USP31: variants seen among roughly 807,000 people sequenced by gnomAD.
The protein encoded by USP31 is ubiquitin carboxyl-terminal hydrolase 31.
In USP31, 44 loss-of-function variants were observed where a neutral mutation model predicts 119.4. The ratio of observed to expected loss-of-function variants is 0.37; its 90% CI spans 0.29 to 0.47. The LOEUF (loss-of-function observed/expected upper bound fraction) is 0.47, where lower values mean the gene tolerates loss of function less well. USP31 is among the 20% of genes least tolerant of loss of function. USP31 has a pLI of 0.99. For missense variants in USP31, 1,643 were observed against 1,730.2 expected (o/e 0.95, Z 0.89); for synonymous variants, 749 against 705.6 (o/e 1.06, Z -0.97).
chr16:23,084,518 G>C (rs1262930337), intron 11 of USP31, among the ~76,000 whole-genome samples: 3 of 151,822 alleles, frequency 2.0e-5, no homozygotes, highest in African/African-American at 7.3e-5. Flanking sequence ...TATGTTCTTA[G>C]TACCAAAAAG....
intron 1 of USP31, among the ~76,000 whole-genome samples, chr16:23,121,208 T>C (rs1349184200): frequency 6.6e-6 from 1 of 152,164 alleles, no homozygotes; most frequent in African/African-American, 2.4e-5. Flanking sequence ...TCCCAGTAAA[T>C]TTTAACTGCC....
At chr16:23,081,995 C>A (rs1567228801) in intron 12 of USP31, among the ~76,000 whole-genome samples, 1 of 152,182 alleles carries the variant, frequency 6.6e-6, no homozygotes, top group Non-Finnish European at 1.5e-5. Flanking sequence ...GAATAGACAG[C>A]CTTTTTGGAA....
chr16:23,099,376 G>T (rs559482988), intron 6 of USP31, among the ~76,000 whole-genome samples: 2 of 152,200 alleles, frequency 1.3e-5, no homozygotes, highest in Non-Finnish European at 2.9e-5. Flanking sequence ...TGGTGGGAGT[G>T]TAAATTAGTT....
chr16:23,082,339 C>A, intron 12 of USP31, 99 bp downstream of exon 12: 1 of 1,490,698 alleles, frequency 6.7e-7, no homozygotes, highest in South Asian at 1.3e-5. Flanking sequence ...CTCACTGGAT[C>A]AAACAGGTAT....
chr16:23,081,327 A>G (rs533041775), intron 12 of USP31, among the ~76,000 whole-genome samples: 6 of 152,296 alleles, frequency 3.9e-5, no homozygotes, highest in Admixed American at 6.5e-5. Flanking sequence ...GCAGATCCCA[A>G]CGGAATACAC....
chr16:23,148,013 AT>A (rs1903574618), intron 1 of USP31, among the ~76,000 whole-genome samples: 1 of 152,196 alleles, frequency 6.6e-6, no homozygotes, highest in Non-Finnish European at 1.5e-5. Flanking sequence ...CCACTATCTG[AT>A]ATTATCTCGT....
chr16:23,130,930 T>C (rs568708003), intron 1 of USP31, among the ~76,000 whole-genome samples: 1 of 152,350 alleles, frequency 6.6e-6, no homozygotes, highest in Non-Finnish European at 1.5e-5. Flanking sequence ...TGCAGGATTC[T>C]ATTCCATTTT....
At chr16:23,074,087 T>G (rs1187386143) in intron 13 of USP31, 1 of 586,618 alleles carries the variant, frequency 1.7e-6, no homozygotes. Context: ...CCATTCCAAG[T>G]AGATGCAGTT....
At chr16:23,124,248 G>A (rs1029548760) in intron 1 of USP31, among the ~76,000 whole-genome samples, 1 of 152,084 alleles carries the variant, frequency 6.6e-6, no homozygotes, top group Admixed American at 6.5e-5. Flanking sequence ...ACAACCCTAA[G>A]TCACCAAGGA....
At chr16:23,131,008 G>C (rs370850843) in intron 1 of USP31, among the ~76,000 whole-genome samples, 1 of 152,104 alleles carries the variant, frequency 6.6e-6, no homozygotes, top group Non-Finnish European at 1.5e-5. Flanking sequence ...CGCTATACCC[G>C]TCAAGACATT....
At chr16:23,119,787 G>C (rs1001105784) in intron 1 of USP31, among the ~76,000 whole-genome samples, 1 of 152,338 alleles carries the variant, frequency 6.6e-6, no homozygotes. Flanking sequence ...AGCATGTGAA[G>C]AACTATGTCC....
rs1041820086 is a variant in USP31 at position 23,073,829 on chromosome 16, T to A, written c.2228A>T (p.Asp743Val). The change falls in exon 14 of 16, where the codon GAT (aspartate) becomes GTT (valine). Residue 743 changes from aspartate to valine, a missense_variant. Asp to Val is a radical substitution (Grantham distance 152). Coordinates refer to ENST00000219689, the MANE Select transcript of USP31 (RefSeq NM_020718.4). ...CTCATCTTCTGACAGCTGCTGCACA[T>A]CGCTGTCATCGAAGCAGTACCAGAG... ...DGLWYCFDDS[D>V]VQQLSEDEVC... 6.2e-7 allele frequency: 1 copy of A among 1,614,076 alleles called. No individual in the cohort carries two copies. The highest frequency in any genetic ancestry group is 8.5e-7 in the Non-Finnish European group (1 of 1,180,020).
chr16:23,137,283 T>G (rs1282355389), intron 1 of USP31, among the ~76,000 whole-genome samples: 1 of 151,972 alleles, frequency 6.6e-6, no homozygotes, highest in Non-Finnish European at 1.5e-5. Context: ...CAAAAACAAA[T>G]GGAAACTAAC....
chr16:23,120,618 G>A (rs553482890), intron 1 of USP31, among the ~76,000 whole-genome samples: 74 of 152,364 alleles, frequency 4.9e-4, no homozygotes, highest in Non-Finnish European at 9.4e-4. Context: ...GCCAGGTGGT[G>A]GGAGATGAAT....
In USP31 at chr16:23,092,665, C is replaced by T. The variant is rs140244266; in HGVS notation, c.1235-1861G>A. ...CCAAACAAAAACACATACAGGGAAA[C>T]GTAACAACTGGAAAAGAAACACAAA... On this transcript the variant is annotated intron_variant, in intron 6 of 15. Transcript: ENST00000219689. 3.7e-4 allele frequency among the ~76,000 whole-genome samples: 56 copies of T among 152,064 alleles called. No individual in the cohort carries two copies. In the East Asian group the frequency reaches 9.9e-3, roughly 27 times the overall value.
intron 1 of USP31, among the ~76,000 whole-genome samples, chr16:23,126,913 A>G (rs1411494528): frequency 2.0e-5 from 3 of 152,214 alleles, no homozygotes; most frequent in Non-Finnish European, 4.4e-5. Context: ...ATATTAATAT[A>G]TACCTATACA....
At chr16:23,106,355 TG>T in intron 3 of USP31, 43 bp downstream of exon 3, 1 of 1,613,680 alleles carries the variant, frequency 6.2e-7, no homozygotes. Flanking sequence ...CCCAGAACGA[TG>T]TCAGGTAAAC....
chr16:23,149,406 G>C lies in USP31; in HGVS notation c.-136C>G, dbSNP rs984064139. 3.0e-5 allele frequency: 29 copies of C among 962,928 alleles called. No homozygotes were observed. The South Asian group carries it at 1.1e-3, about 38-fold the overall frequency. The allele number at this position is 962,928 out of a possible 1,614,324, so 59.6% of individuals were successfully genotyped here. On this transcript the variant is annotated 5_prime_UTR_variant, in exon 1 of 16. Coordinates refer to ENST00000219689, the MANE Select transcript of USP31 (RefSeq NM_020718.4). ...GCCCCACACACCTCAAAGCGCAGCC[G>C]AGCCAGCGAGCGAGCGGCGGCCGGC...
chr16:23,097,249 G>A (rs899893051), intron 6 of USP31, among the ~76,000 whole-genome samples: 3 of 152,156 alleles, frequency 2.0e-5, no homozygotes, highest in African/African-American at 7.2e-5. Flanking sequence ...TAGAAGAAAT[G>A]GATAAATTCC....
Sources: allele counts gnomAD v4.1 joint callset (sites outside exome capture counted in the v4.1 genomes callset), GRCh38; gene constraint gnomAD v4.1.1; transcripts MANE v1.5; gene names NCBI Gene and HGNC (gene_info 2026-07-23, HGNC 2026-07-21).